The following PTPN13 variants were observed in gnomAD, a reference collection of about 807,000 sequenced individuals.
PTPN13 encodes protein tyrosine phosphatase non-receptor type 13.
Under a neutral mutation model 284.0 loss-of-function variants are expected in PTPN13, and 191 were observed. The ratio of observed to expected loss-of-function variants is 0.67; its 90% CI spans 0.60 to 0.76. The LOEUF (loss-of-function observed/expected upper bound fraction) is 0.76. PTPN13 is among the 30% of genes least tolerant of loss of function. The pLI, the probability that PTPN13 is intolerant of heterozygous loss-of-function variation, is 0.00. For synonymous variants in PTPN13, 986 were observed against 1,022.3 expected, an observed-to-expected ratio of 0.96 and a Z score of 0.68; for missense variants, 2,797 against 2,939.9, an observed-to-expected ratio of 0.95 and a Z score of 1.12.
At chr4:86,779,726 T>C (rs1052435862) in intron 35 of PTPN13, among the ~76,000 whole-genome samples, 5 of 152,144 alleles carry the variant, frequency 3.3e-5, no homozygotes, top group Non-Finnish European at 7.4e-5. Flanking sequence ...ACTGTACACC[T>C]TAGGCAACTC....
At position 86,759,082 on chromosome 4, in the gene PTPN13, A is replaced by T; in HGVS notation, c.3553+9A>T. ...AGAAAAGATATCCAAAGGTAATGTG[A>T]ATGTCTCTTACTTATGTATTCTGTT... On this transcript the variant is annotated intron_variant, in intron 23 of 47. Coordinates refer to ENST00000411767, the MANE Select transcript of PTPN13 (RefSeq NM_080683.3). 1 of 1,610,874 alleles carries T rather than the reference A, an allele frequency of 6.2e-7. No individual in the cohort carries two copies. The highest frequency in any genetic ancestry group is 2.2e-5 in the East Asian group (1 of 44,818).
At chr4:86,663,101 A>G (rs1463664865) in intron 2 of PTPN13, among the ~76,000 whole-genome samples, 1 of 152,274 alleles carries the variant, frequency 6.6e-6, no homozygotes, top group Non-Finnish European at 1.5e-5. Context: ...TACTTTGGGA[A>G]TGAGATAGAA....
rs76529195 is a variant in PTPN13 at position 86,596,960 on chromosome 4, C to T, written c.-6+2171C>T. Among the ~76,000 whole-genome samples, 4 of 152,260 alleles carry T rather than the reference C, an allele frequency of 2.6e-5. No homozygotes were observed. The East Asian group carries it at 7.7e-4, about 29-fold the overall frequency. On this transcript the variant is annotated intron_variant, in intron 1 of 47. Coordinates refer to ENST00000411767, the MANE Select transcript of PTPN13 (RefSeq NM_080683.3). The stretch of plus-strand genomic sequence containing the variant: ...TGCATTTAGTAGTTACTCCTGTCAA[C>T]ATATTCTTGTTTTGGAATATGCTTT...
At chr4:86,671,161 T>G (rs539262559) in intron 2 of PTPN13, among the ~76,000 whole-genome samples, 1 of 152,340 alleles carries the variant, frequency 6.6e-6, no homozygotes, top group African/African-American at 2.4e-5. Flanking sequence ...TTTAGTAGTT[T>G]ACTTTTTAAT....
At chr4:86,741,436 T>TA (rs1736156915) in intron 15 of PTPN13, among the ~76,000 whole-genome samples, 198 bp from the exon 16 acceptor site, 1 of 152,050 alleles carries the variant, frequency 6.6e-6, no homozygotes, top group African/African-American at 2.4e-5. Flanking sequence ...TTATGAGACT[T>TA]ATTCACTGTC....
Position 86,784,548 on chromosome 4 carries a change from T to G in PTPN13, c.6108T>G (p.Thr2036=). The G allele has an allele frequency of 3.1e-6, 5 of 1,605,098 alleles. No homozygotes were observed. The highest frequency in any genetic ancestry group is 4.3e-6 in the Non-Finnish European group (5 of 1,176,036). ...TYQIKGSPNL[T]LPKESYIQED... ...AGATAAAGGGATCACCAAACTTGACTCTGCCCAAAGGTAGTTTTCCAAATC... is the reference window on the plus strand; with the variant it reads ...AGATAAAGGGATCACCAAACTTGACGCTGCCCAAAGGTAGTTTTCCAAATC... The change falls in exon 38 of 48, where the codon ACT becomes ACG. Residue 2036 remains threonine, a synonymous_variant. Coordinates refer to ENST00000411767, the MANE Select transcript of PTPN13 (RefSeq NM_080683.3).
intron 2 of PTPN13, among the ~76,000 whole-genome samples, chr4:86,653,292 A>G (rs1214272590): frequency 6.6e-6 from 1 of 152,008 alleles, no homozygotes; most frequent in Non-Finnish European, 1.5e-5. Flanking sequence ...TGTGTCCCTG[A>G]TGCTTTCGGA....
chr4:86,597,910 C>T (rs1319057323), intron 1 of PTPN13, among the ~76,000 whole-genome samples: 1 of 152,134 alleles, frequency 6.6e-6, no homozygotes, highest in Non-Finnish European at 1.5e-5. Flanking sequence ...ATGTGTTTGC[C>T]TTATCCTGTG....
chr4:86,601,683 A>C (rs1764303335), intron 1 of PTPN13, among the ~76,000 whole-genome samples: 2 of 152,128 alleles, frequency 1.3e-5, no homozygotes. Context: ...CTAACTTCAA[A>C]GGGATTTTAA....
intron 2 of PTPN13, among the ~76,000 whole-genome samples, chr4:86,638,703 T>A (rs1484041151): frequency 1.3e-5 from 2 of 152,124 alleles, no homozygotes; most frequent in Non-Finnish European, 2.9e-5. Context: ...GATTTAAACG[T>A]TAGACCTAAA....
chr4:86,771,514 A>C lies in PTPN13; in HGVS notation c.5147A>C (p.Asn1716Thr). ...TTTTACTATCCTCAGAAAATTCCCAATAAACCAGAGTTTGAGGACAGGTAT... is the reference window on the plus strand; with the variant it reads ...TTTTACTATCCTCAGAAAATTCCCACTAAACCAGAGTTTGAGGACAGGTAT... ...TMFYYPQKIP[N>T]KPEFEDSNPS... is the part of the protein sequence containing the mutation. The change falls in exon 31 of 48, where the codon AAT becomes ACT. Residue 1716 changes from asparagine to threonine, a missense_variant. Transcript: ENST00000411767. The C allele has an allele frequency of 6.4e-7, 1 of 1,571,356 alleles. No individual in the cohort carries two copies. The highest frequency in any genetic ancestry group is 8.7e-7 in the Non-Finnish European group (1 of 1,155,532).
Position 86,774,443 on chromosome 4 carries a change from A to G in PTPN13, c.5420A>G (p.Asn1807Ser). Residue 1807 changes from asparagine to serine, a missense_variant, in exon 33 of 48, where the codon AAT becomes AGT. By Grantham distance (46) the Asn-to-Ser change is conservative (BLOSUM62 1). Transcript: ENST00000411767. ...GSLGFTVTKG[N>S]QRIGCYVHDV... is the part of the protein sequence containing the mutation. ...CTGGGTTTTACAGTAACCAAAGGCA[A>G]TCAGAGAATTGGTTGTTATGTTCAT... 5 of 1,605,712 alleles carry G rather than the reference A, an allele frequency of 3.1e-6. No homozygotes were observed. Among genetic ancestry groups the G allele is most frequent in the Non-Finnish European group, 4.3e-6 (5 of 1,175,610 alleles).
chr4:86,634,822 C>G (rs1722832509), intron 1 of PTPN13, among the ~76,000 whole-genome samples: 2 of 152,170 alleles, frequency 1.3e-5, no homozygotes, highest in Non-Finnish European at 2.9e-5. Context: ...CCAACTTCCC[C>G]TACCATGGCT....
chr4:86,693,792 C>T lies in PTPN13; in HGVS notation c.634+118C>T, dbSNP rs897167321. On this transcript the variant is annotated intron_variant, in intron 6 of 47. Coordinates refer to ENST00000411767, the MANE Select transcript of PTPN13 (RefSeq NM_080683.3). The stretch of plus-strand genomic sequence containing the variant: ...ATTGAGACTATGATTAGAACGTAAA[C>T]GTACAAACTGGAGGTAGGGAATGGG... 5.5e-5 allele frequency: 33 copies of T among 596,964 alleles called. No individual in the cohort carries two copies. The Middle Eastern group carries it at 8.3e-4, about 15-fold the overall frequency. The allele number at this position is 596,964 out of a possible 1,614,324, so 37.0% of individuals were successfully genotyped here. A position where few individuals can be genotyped will look rare whatever the true frequency, so the allele number is the denominator to read the frequency against.
intron 36 of PTPN13, among the ~76,000 whole-genome samples, chr4:86,780,864 T>C (rs1257976016): frequency 3.9e-5 from 6 of 152,156 alleles, no homozygotes; most frequent in Non-Finnish European, 2.9e-5. Context: ...AGCCAGAGCA[T>C]AAGAGAAATA....
At position 86,701,513 on chromosome 4, in the gene PTPN13, A is replaced by G. The variant is rs369146455; in HGVS notation, c.907A>G (p.Met303Val). Residue 303 changes from methionine (M) to valine (V), a missense_variant, in exon 7 of 48, where the codon ATG becomes GTG. By Grantham distance (21) the Met-to-Val change is conservative. Transcript: ENST00000411767. Reference sequence around the variant, plus strand: ...TAAGAAGAAGATCTGGGCTTCATCCATGGACTTGCTTTGTACAGCTGACAG... The same window carrying G: ...TAAGAAGAAGATCTGGGCTTCATCCGTGGACTTGCTTTGTACAGCTGACAG... ...LSKKKIWASS[M>V]DLLCTADRDF... 1.4e-5 allele frequency: 23 copies of G among 1,613,852 alleles called. No homozygotes were observed. In the African/African-American group the frequency reaches 2.3e-4, roughly 16 times the overall value.
chr4:86,701,870 G>A, intron 7 of PTPN13, 69 bp downstream of exon 7: 1 of 1,397,684 alleles, frequency 7.2e-7, no homozygotes, highest in Non-Finnish European at 9.5e-7. Context: ...ATAAAGAAGG[G>A]TTATTAAATT....
intron 2 of PTPN13, among the ~76,000 whole-genome samples, chr4:86,660,081 A>G (rs537653990): frequency 1.2e-4 from 18 of 152,348 alleles, no homozygotes; most frequent in Non-Finnish European, 2.5e-4. Flanking sequence ...TTGATGATCA[A>G]TCTAAGCAAT....
At chr4:86,689,728 C>T (rs768833185) in intron 5 of PTPN13, 13 of 702,266 alleles carry the variant, frequency 1.9e-5, no homozygotes, top group Non-Finnish European at 3.4e-5. Flanking sequence ...GACCTGGACT[C>T]TTCTAGTTTT....
Sources: gnomAD v4.1 joint callset for allele counts (sites outside exome capture counted in the v4.1 genomes callset) on GRCh38, gnomAD v4.1.1 for gene constraint, MANE v1.5 for transcripts, NCBI Gene and HGNC (gene_info 2026-07-23, HGNC 2026-07-21) for gene names.